Variants in IGF2 observed in about 807,000 individuals in gnomAD.
IGF2 encodes the protein insulin like growth factor 2.
IGF2 carries 2 observed loss-of-function variants against 12.0 expected under a neutral mutation model. The ratio of observed to expected loss-of-function variants is 0.17; its 90% CI spans 0.07 to 0.52. The LOEUF (loss-of-function observed/expected upper bound fraction) is 0.52. Among genes scored for constraint, IGF2 ranks in the 20% least tolerant of loss-of-function variants. The probability of loss-of-function intolerance (pLI) is 0.95; values close to 1 mark genes in which losing one functional copy is unlikely to be tolerated. For missense variants in IGF2, 211 were observed against 268.0 expected (o/e 0.79, Z 1.48); for synonymous variants, 105 against 110.1 (o/e 0.95, Z 0.29).
At chr11:2,137,734 G>C (rs925076546) in intron 1 of IGF2, among the ~76,000 whole-genome samples, 4 of 152,136 alleles carry the variant, frequency 2.6e-5, no homozygotes, top group Non-Finnish European at 5.9e-5. Context: ...CGAATGTGGC[G>C]TCTGCCATGA....
rs1858602783 is a variant in IGF2 at position 2,131,829 on chromosome 11, G to A, written c.*1158C>T. 2 of 187,928 alleles carry A rather than the reference G, an allele frequency of 1.1e-5. No individual in the cohort carries two copies. Among genetic ancestry groups the A allele is most frequent in the Admixed American group, 6.5e-5 (1 of 15,356 alleles). 11.6% of individuals were successfully genotyped at this position (187,928 alleles called of 1,614,324 possible). Reference sequence around the variant, plus strand: ...GTGTGTGCATGTGTGTGCGTGTGCTGTGCGTTTGTGTGCTGTGTGCTCGTG... The same window carrying A: ...GTGTGTGCATGTGTGTGCGTGTGCTATGCGTTTGTGTGCTGTGTGCTCGTG... On this transcript the variant is annotated 3_prime_UTR_variant, in exon 4 of 4. Transcript: ENST00000416167.
upstream of IGF2, chr11:2,139,529 C>T (rs1859392151): frequency 2.2e-5 from 3 of 135,996 alleles, no homozygotes; most frequent in Admixed American, 2.2e-4. Flanking sequence ...CCCCGCAACC[C>T]GAGCCAAGAG....
In IGF2 at chr11:2,138,838, G is replaced by T. The variant is rs1190647952; in HGVS notation, c.-616C>A. The T allele has an allele frequency of 2.1e-6, 2 of 939,256 alleles. No individual in the cohort carries two copies. Among genetic ancestry groups the T allele is most frequent in the African/African-American group, 1.8e-5 (1 of 54,756 alleles). 58.2% of individuals were successfully genotyped at this position (939,256 alleles called of 1,614,324 possible). A position where few individuals can be genotyped will look rare whatever the true frequency, so the allele number is the denominator to read the frequency against. Reference sequence around the variant, plus strand: ...AGCACAGAGAAGCGGAGGGAAGGGCGCCACGTCGAGGGGCCGGGGGAGGCG... The same window carrying T: ...AGCACAGAGAAGCGGAGGGAAGGGCTCCACGTCGAGGGGCCGGGGGAGGCG... On this transcript the variant is annotated 5_prime_UTR_variant, in exon 1 of 4. Coordinates refer to ENST00000416167, the MANE Select transcript of IGF2 (RefSeq NM_000612.6).
the IGF2 span, chr11:2,148,601 A>T: frequency 4.0e-3 from 621 of 154,786 alleles, 5 homozygotes; most frequent in African/African-American, 0.014. This position sits in a 1 kb window ranked among gnomAD's most constrained non-coding sequence, Gnocchi z 4.3. Context: ...ATAGGGAGGC[A>T]GGAGGGAAGG....
the IGF2 span, chr11:2,147,925 C>T: frequency 2.8e-6 from 2 of 711,226 alleles, no homozygotes; most frequent in African/African-American, 1.8e-5. This position sits in a 1 kb window ranked among gnomAD's most constrained non-coding sequence, Gnocchi z 7.2. Flanking sequence ...CTTCAGGTCA[C>T]CTTGTCAGGA....
In IGF2 at chr11:2,130,271, G is replaced by A. The variant is rs550594230; in HGVS notation, c.*2716C>T. On this transcript the variant is annotated 3_prime_UTR_variant, in exon 4 of 4. Transcript: ENST00000416167. ...GAGACCCTGCCCAACCCCCCCCTCCGCCCTCAGGACTTCTGGGGACCAGCC... is the reference window on the plus strand; with the variant it reads ...GAGACCCTGCCCAACCCCCCCCTCCACCCTCAGGACTTCTGGGGACCAGCC... 10 of 208,444 alleles carry A rather than the reference G, an allele frequency of 4.8e-5. No individual in the cohort carries two copies. The highest frequency in any genetic ancestry group is 1.5e-3 in the Middle Eastern group (1 of 664). The allele number at this position is 208,444 out of a possible 1,614,324, so 12.9% of individuals were successfully genotyped here.
chr11:2,132,069 G>GCTGTGCTCGTGTGTGTA lies in IGF2; in HGVS notation c.*917_*918insTACACACACGAGCACAG. The GCTGTGCTCGTGTGTGTA allele has an allele frequency of 4.7e-6, 1 of 212,750 alleles. No individual in the cohort carries two copies. Among genetic ancestry groups the GCTGTGCTCGTGTGTGTA allele is most frequent in the East Asian group, 6.9e-5 (1 of 14,482 alleles). 13.2% of individuals were successfully genotyped at this position (212,750 alleles called of 1,614,324 possible). A position where few individuals can be genotyped will look rare whatever the true frequency, so the allele number is the denominator to read the frequency against. Reference sequence around the variant, plus strand: ...GTGTGTGTGCTGTGCTCGTGTGTGTGCTGTGTTCATGCGTGTGCTGTGTGT... The same window carrying GCTGTGCTCGTGTGTGTA: ...GTGTGTGTGCTGTGCTCGTGTGTGTGCTGTGCTCGTGTGTGTACTGTGTTCATGCGTGTGCTGTGTGT... On this transcript the variant is annotated 3_prime_UTR_variant, in exon 4 of 4. Transcript: ENST00000416167.
chr11:2,137,386 C>T, intron 1 of IGF2: 1 of 331,004 alleles, frequency 3.0e-6, no homozygotes, highest in Non-Finnish European at 4.3e-6. Context: ...ACCACTCCCC[C>T]GCGCCTTTGC....
At position 2,131,250 on chromosome 11, in the gene IGF2, C is replaced by T. The variant is rs975469460; in HGVS notation, c.*1737G>A. 8.6e-6 allele frequency: 2 copies of T among 233,348 alleles called. No individual in the cohort carries two copies. The highest frequency in any genetic ancestry group is 1.2e-4 in the East Asian group (2 of 16,586). 14.5% of individuals were successfully genotyped at this position (233,348 alleles called of 1,614,324 possible). A position where few individuals can be genotyped will look rare whatever the true frequency, so the allele number is the denominator to read the frequency against. ...CACACTCAGGCCGCACCATCTGAGC[C>T]CCCTCCTCTGAGAGGCAGGGCACAG... On this transcript the variant is annotated 3_prime_UTR_variant, in exon 4 of 4. Coordinates refer to ENST00000416167, the MANE Select transcript of IGF2 (RefSeq NM_000612.6).
chr11:2,143,988 A>AGCGCGGGCG (rs1270704075), upstream of IGF2, among the ~76,000 whole-genome samples: 7 of 152,258 alleles, frequency 4.6e-5, no homozygotes, highest in Admixed American at 6.5e-5. Context: ...CGGGAACCCG[A>AGCGCGGGCG]GCGCGGGCGG....
upstream of IGF2, among the ~76,000 whole-genome samples, chr11:2,145,181 TC>T (rs1859841765): frequency 6.6e-6 from 1 of 151,968 alleles, no homozygotes; most frequent in African/African-American, 2.4e-5. Flanking sequence ...TTCTGCAGCC[TC>T]CCCGTGTCCC....
At chr11:2,140,045 G>T, upstream of IGF2, 2 of 1,308,284 alleles carry the variant, frequency 1.5e-6, no homozygotes, top group Non-Finnish European at 2.1e-6. Flanking sequence ...CGGCTGCGCC[G>T]GGCCGAATCT....
the IGF2 span, chr11:2,146,488 C>A: frequency 2.0e-6 from 1 of 489,978 alleles, no homozygotes; most frequent in Non-Finnish European, 4.2e-6. Flanking sequence ...CCAGACAGCA[C>A]AGACCACCCC....
chr11:2,134,938 A>T (rs6413488), intron 2 of IGF2, among the ~76,000 whole-genome samples: 5,230 of 152,328 alleles, frequency 0.034, 142 homozygotes, highest in Middle Eastern at 0.12. Flanking sequence ...AAATCACTTT[A>T]TTGATTTTAA....
At chr11:2,147,268 C>T in the IGF2 span, 1 of 292,570 alleles carries the variant, frequency 3.4e-6, no homozygotes, top group Non-Finnish European at 6.3e-6. The surrounding 1 kb of genome is among the most constrained non-coding windows in gnomAD (Gnocchi z 7.2). Context: ...CTTTGGCTGC[C>T]CGCTCTCTCC....
chr11:2,144,346 G>A (rs35506085), upstream of IGF2, among the ~76,000 whole-genome samples: 27,351 of 151,966 alleles, frequency 0.18, 3,171 homozygotes, highest in East Asian at 0.53. Context: ...CGCCACCGGG[G>A]GCAGGCTAGT....
At chr11:2,145,096 A>G (rs1330679518), upstream of IGF2, among the ~76,000 whole-genome samples, 4 of 151,894 alleles carry the variant, frequency 2.6e-5, no homozygotes, top group Admixed American at 6.6e-5. Flanking sequence ...GTCTGCATCA[A>G]TCACCCCCAT....
chr11:2,145,485 C>T (rs1014914461), upstream of IGF2, among the ~76,000 whole-genome samples: 3 of 152,234 alleles, frequency 2.0e-5, no homozygotes, highest in African/African-American at 7.2e-5. Context: ...GCCCCAGTTC[C>T]GAGTTGTGGG....
Position 2,138,388 on chromosome 11 carries a change from TGGGGGG to T in IGF2, c.-172_-167del. On this transcript the variant is annotated 5_prime_UTR_variant, in exon 1 of 4. Coordinates refer to ENST00000416167, the MANE Select transcript of IGF2 (RefSeq NM_000612.6). ...GCAGAGCGGGGGGATGGCTTTTTTT[TGGGGGG>T]GGGGGGAGAATTCGTCTGATTGTCC... 4.7e-5 allele frequency: 6 copies of T among 128,474 alleles called. No homozygotes were observed. Among genetic ancestry groups the T allele is most frequent in the Non-Finnish European group, 6.4e-5 (6 of 93,408 alleles). The allele number at this position is 128,474 out of a possible 1,614,324, so 8.0% of individuals were successfully genotyped here. A position where few individuals can be genotyped will look rare whatever the true frequency, so the allele number is the denominator to read the frequency against.
Sources: gnomAD v4.1 joint callset for allele counts (sites outside exome capture counted in the v4.1 genomes callset) on GRCh38, gnomAD v4.1.1 for gene constraint, Gnocchi (gnomAD v3.1) non-coding constraint, MANE v1.5 for transcripts, NCBI Gene and HGNC (gene_info 2026-07-23, HGNC 2026-07-21) for gene names.